The following NT5DC3 variants were observed in gnomAD, a reference collection of about 807,000 sequenced individuals.
NT5DC3 encodes 5'-nucleotidase domain containing 3, also known as 5'-nucleotidase domain-containing protein 3.
In NT5DC3, 42 loss-of-function variants were observed where a neutral mutation model predicts 67.8. The observed-to-expected ratio is 0.62, with a 90% CI of 0.48 to 0.80. The LOEUF (loss-of-function observed/expected upper bound fraction) is 0.80. Ranked by LOEUF, NT5DC3 falls within the 30% of genes least tolerant of loss-of-function variation. NT5DC3 has a pLI of 0.00. For synonymous variants in NT5DC3, 237 were observed against 255.6 expected (o/e 0.93, Z 0.69); for missense variants, 570 against 696.4 (o/e 0.82, Z 2.04).
At chr12:103,765,571 G>A (rs1396068595), downstream of NT5DC3, among the ~76,000 whole-genome samples, 1 of 152,198 alleles carries the variant, frequency 6.6e-6, no homozygotes, top group African/African-American at 2.4e-5. Context: ...CCTCTAGAGT[G>A]TGGCCTTTTT....
At chr12:103,758,309 C>A in the NT5DC3 span, 23 of 1,611,418 alleles carry the variant, frequency 1.4e-5, no homozygotes, top group African/African-American at 2.7e-5. Context: ...GTCCCTGGTG[C>A]CTTTGCTTTA....
At chr12:103,805,846 A>AAAAC (rs1886777389) in intron 4 of NT5DC3, among the ~76,000 whole-genome samples, 1 of 16,938 alleles carries the variant, frequency 5.9e-5, no homozygotes, top group African/African-American at 2.2e-4. Flanking sequence ...ACTCCACCTC[A>AAAAC]AAAAAAAAAA....
chr12:103,767,461 T>C (rs1243706662), downstream of NT5DC3, among the ~76,000 whole-genome samples: 3 of 152,142 alleles, frequency 2.0e-5, no homozygotes, highest in Non-Finnish European at 4.4e-5. Flanking sequence ...TGATGAGGAA[T>C]TCGATAGCAG....
intron 5 of NT5DC3, 29 bp from the exon 6 acceptor site, chr12:103,797,060 G>GA (rs1322681715): frequency 6.2e-7 from 1 of 1,613,418 alleles, no homozygotes; most frequent in South Asian, 1.1e-5. Context: ...GAATGCTTTA[G>GA]AAACAGGGGC....
chr12:103,783,682 A>G (rs1350465204), intron 12 of NT5DC3, among the ~76,000 whole-genome samples: 1 of 152,024 alleles, frequency 6.6e-6, no homozygotes, highest in African/African-American at 2.4e-5. Context: ...ACCTCATATA[A>G]TTAATTTTAC....
chr12:103,839,719 C>T (rs987406630), intron 1 of NT5DC3, among the ~76,000 whole-genome samples: 1 of 152,152 alleles, frequency 6.6e-6, no homozygotes, highest in South Asian at 2.1e-4. Context: ...CCATACCACA[C>T]AACAGCTTCA....
intron 1 of NT5DC3, among the ~76,000 whole-genome samples, chr12:103,828,169 C>T (rs114151658): frequency 0.01 from 1,525 of 152,256 alleles, 23 homozygotes; most frequent in African/African-American, 0.034. Context: ...CATATTTAAG[C>T]GACTATCATA....
At chr12:103,830,249 G>A (rs571835489) in intron 1 of NT5DC3, among the ~76,000 whole-genome samples, 1 of 152,334 alleles carries the variant, frequency 6.6e-6, no homozygotes, top group South Asian at 2.1e-4. Context: ...AAATGGTGAA[G>A]TTAAGATTTG....
intron 5 of NT5DC3, among the ~76,000 whole-genome samples, chr12:103,797,669 G>A (rs1886379279): frequency 6.6e-6 from 1 of 152,020 alleles, no homozygotes; most frequent in Admixed American, 6.6e-5. Flanking sequence ...AGGAAAGCCA[G>A]CAAACAAATT....
At position 103,797,045 on chromosome 12, in the gene NT5DC3, G is replaced by A. The variant is rs375661745; in HGVS notation, c.616-14C>T. ...TCCATGAGAGCTCTGCAGACAGGGT[G>A]GAAGGAATGCTTTAGAAACAGGGGC... On this transcript the variant is annotated splice_polypyrimidine_tract_variant and intron_variant, in intron 5 of 13. Coordinates refer to ENST00000392876, the MANE Select transcript of NT5DC3 (RefSeq NM_001031701.3). The A allele has an allele frequency of 6.8e-6, 11 of 1,613,758 alleles. No individual in the cohort carries two copies. In the African/African-American group the frequency reaches 1.3e-4, roughly 20 times the overall value.
chr12:103,837,946 GTCCATT>G (rs1270409330), intron 1 of NT5DC3, among the ~76,000 whole-genome samples: 1 of 152,102 alleles, frequency 6.6e-6, no homozygotes, highest in Non-Finnish European at 1.5e-5. Flanking sequence ...TACTGTATCA[GTCCATT>G]TTCATGCTGC....
At chr12:103,764,871 G>T in the NT5DC3 span, among the ~76,000 whole-genome samples, 4 of 152,046 alleles carry the variant, frequency 2.6e-5, no homozygotes, top group East Asian at 1.9e-4. Context: ...GCCAAGGCAG[G>T]TGGATCACCT....
At chr12:103,822,938 A>G (rs931460349) in intron 1 of NT5DC3, among the ~76,000 whole-genome samples, 1 of 152,218 alleles carries the variant, frequency 6.6e-6, no homozygotes, top group African/African-American at 2.4e-5. Context: ...TGGAGGCCCA[A>G]ACGTACATCT....
downstream of NT5DC3, chr12:103,770,343 C>G (rs1482977567): frequency 2.6e-5 from 4 of 152,036 alleles, no homozygotes; most frequent in Non-Finnish European, 4.4e-5. Context: ...ATCTCAGCTA[C>G]AATTCCAATA....
Position 103,835,044 on chromosome 12 carries a change from C to G in NT5DC3, c.208+5905G>C, listed in dbSNP as rs1477377490. ...CCCCTGGGCCTCGCTGCTTGCCTCC[C>G]CTGAGGTAGAATGTCACTCATCTGT... On this transcript the variant is annotated intron_variant, in intron 1 of 13. Transcript: ENST00000392876. Among the ~76,000 whole-genome samples the G allele has an allele frequency of 2.0e-5, 3 of 152,116 alleles. No homozygotes were observed. In the East Asian group the frequency reaches 5.8e-4, roughly 29 times the overall value.
chr12:103,770,201 T>G (rs1885149959), downstream of NT5DC3, among the ~76,000 whole-genome samples: 1 of 152,254 alleles, frequency 6.6e-6, no homozygotes, highest in African/African-American at 2.4e-5. Context: ...GAAGTATGCT[T>G]AGATTTGCCT....
the NT5DC3 span, among the ~76,000 whole-genome samples, chr12:103,758,499 G>T: frequency 6.6e-6 from 1 of 152,206 alleles, no homozygotes; most frequent in Non-Finnish European, 1.5e-5. Context: ...CAATGGCTCT[G>T]CTCCATGGAA....
chr12:103,816,215 C>T (rs1487528556), intron 1 of NT5DC3, among the ~76,000 whole-genome samples: 2 of 152,132 alleles, frequency 1.3e-5, no homozygotes, highest in Non-Finnish European at 2.9e-5. Flanking sequence ...AGGATTTTTT[C>T]ATATTTTGGA....
At chr12:103,812,526 C>T (rs1055518672) in intron 2 of NT5DC3, among the ~76,000 whole-genome samples, 18 of 152,130 alleles carry the variant, frequency 1.2e-4, no homozygotes, top group African/African-American at 4.3e-4. Context: ...ATCTCTCTTC[C>T]CCTCAAATTT....
Sources: allele counts gnomAD v4.1 joint callset (sites outside exome capture counted in the v4.1 genomes callset), GRCh38; gene constraint gnomAD v4.1.1; transcripts MANE v1.5; gene names NCBI Gene and HGNC (gene_info 2026-07-23, HGNC 2026-07-21).